The following LYST variants were observed in gnomAD, a reference collection of about 807,000 sequenced individuals.
The protein encoded by LYST is lysosomal-trafficking regulator.
Under a neutral mutation model 413.6 loss-of-function variants are expected in LYST, and 192 were observed. The ratio of observed to expected loss-of-function variants is 0.46; its 90% CI spans 0.41 to 0.52. LYST has a LOEUF of 0.52. Ranked by LOEUF, LYST falls within the 20% of genes least tolerant of loss-of-function variation. The pLI is 0.00. For synonymous variants in LYST, 1,525 were observed against 1,567.3 expected, an observed-to-expected ratio of 0.97 and a Z score of 0.64; for missense variants, 3,815 against 4,499.9, an observed-to-expected ratio of 0.85 and a Z score of 4.35.
At chr1:235,763,807 A>G (rs1262663548) in intron 21 of LYST, among the ~76,000 whole-genome samples, 1 of 152,078 alleles carries the variant, frequency 6.6e-6, no homozygotes, top group Non-Finnish European at 1.5e-5. Context: ...CCATAGTGCT[A>G]TAATGCAGGC....
intron 22 of LYST, 26 bp downstream of exon 22, chr1:235,762,694 C>G (rs1034815685): frequency 6.2e-7 from 1 of 1,606,138 alleles, no homozygotes; most frequent in Non-Finnish European, 8.5e-7. Context: ...ATGAGAAGGT[C>G]ATACTTCCAT....
intron 31 of LYST, among the ~76,000 whole-genome samples, chr1:235,740,468 G>A (rs1019479894): frequency 4.0e-5 from 6 of 151,510 alleles, no homozygotes; most frequent in African/African-American, 7.3e-5. Context: ...GAATTCTATC[G>A]TCATATCTTG....
At chr1:235,789,516 T>C (rs546257788) in intron 12 of LYST, among the ~76,000 whole-genome samples, 2 of 152,298 alleles carry the variant, frequency 1.3e-5, no homozygotes, top group East Asian at 3.9e-4. Context: ...CTTGTCATTA[T>C]AATACATGTG....
chr1:235,702,714 T>G (rs17615059), intron 45 of LYST, 33 bp downstream of exon 45: 1 of 1,562,578 alleles, frequency 6.4e-7, no homozygotes, highest in African/African-American at 1.4e-5. Context: ...TAATCAGGTT[T>G]TGCTGCACTC....
At chr1:235,870,670 T>G (rs1680885994), upstream of LYST, among the ~76,000 whole-genome samples, 1 of 152,234 alleles carries the variant, frequency 6.6e-6, no homozygotes, top group African/African-American at 2.4e-5. Context: ...ATTTGTCTAT[T>G]TCTTATGTTT....
chr1:235,853,323 T>C (rs1411606481), intron 1 of LYST, among the ~76,000 whole-genome samples: 1 of 152,204 alleles, frequency 6.6e-6, no homozygotes, highest in Non-Finnish European at 1.5e-5. Context: ...CTGAACTAGA[T>C]GTTCTATATT....
chr1:235,840,580 C>T (rs143032387), intron 1 of LYST, among the ~76,000 whole-genome samples: 56 of 151,998 alleles, frequency 3.7e-4, no homozygotes, highest in African/African-American at 1.2e-3. Context: ...ACCTAAACAT[C>T]GGTATTTTTA....
At position 235,723,880 on chromosome 1, in the gene LYST, A is replaced by G. The variant is rs1222032929; in HGVS notation, c.9315+148T>C. 7 of 688,590 alleles carry G rather than the reference A, an allele frequency of 1.0e-5. No individual in the cohort carries two copies. In the Admixed American group the frequency reaches 1.7e-4, roughly 17 times the overall value. 42.7% of individuals were successfully genotyped at this position (688,590 alleles called of 1,614,324 possible). ...ACTGTGGAGGTCAAAGACAATCCTCATATAACAAAGGCTTCACTTTAATCA... is the reference window on the plus strand; with the variant it reads ...ACTGTGGAGGTCAAAGACAATCCTCGTATAACAAAGGCTTCACTTTAATCA... On this transcript the variant is annotated intron_variant, in intron 39 of 52. Transcript: ENST00000389793.
At chr1:235,796,921 A>C (rs1270921561) in intron 10 of LYST, among the ~76,000 whole-genome samples, 4 of 152,232 alleles carry the variant, frequency 2.6e-5, no homozygotes, top group Admixed American at 1.3e-4. Flanking sequence ...TCAAAACCAC[A>C]ATGAGATACC....
intron 1 of LYST, among the ~76,000 whole-genome samples, chr1:235,863,367 G>C (rs1044298102): frequency 6.6e-5 from 10 of 151,892 alleles, no homozygotes; most frequent in Admixed American, 5.3e-4. Flanking sequence ...ACTCCAGCCT[G>C]GGTGACAGAG....
rs1365793954 is a variant in LYST at position 235,806,373 on chromosome 1, A to G, written c.2763T>C (p.Asn921=). ...CATAGCCAGAAGTATCTTCTGAGTC[A>G]TTGGCCGACTCCCTGTCAGACTCTG... ...KEAESDRESA[N]DSEDTSGYDS... The change falls in exon 6 of 53, where the codon AAT becomes AAC. Residue 921 remains asparagine, a synonymous_variant. Coordinates refer to ENST00000389793, the MANE Select transcript of LYST (RefSeq NM_000081.4). 6.2e-7 allele frequency: 1 copy of G among 1,614,058 alleles called. No homozygotes were observed. The highest frequency in any genetic ancestry group is 1.1e-5 in the South Asian group (1 of 91,080).
At chr1:235,743,657 G>C (rs12093678) in intron 30 of LYST, among the ~76,000 whole-genome samples, 6,249 of 152,106 alleles carry the variant, frequency 0.041, 424 homozygotes, top group African/African-American at 0.14. Context: ...CCTTTAAAAA[G>C]AAATAGTTCA....
chr1:235,777,307 T>C lies in LYST; in HGVS notation c.5216A>G (p.Glu1739Gly). The change falls in exon 17 of 53, where the codon GAA (glutamate) becomes GGA (glycine). Residue 1739 changes from glutamate (E) to glycine (G), a missense_variant and splice_region_variant. Physicochemically the swap from Glu to Gly is moderately conservative, Grantham distance 98. Coordinates refer to ENST00000389793, the MANE Select transcript of LYST (RefSeq NM_000081.4). ...KKDVDIGLLI[E>G]SLSVVYTTYC... The stretch of plus-strand genomic sequence containing the variant: ...AGTTGTATAAACAACTGAAAGACTT[T>C]CCTGAAATACAAATATTTTCATTCA... 1 of 1,611,858 alleles carries C rather than the reference T, an allele frequency of 6.2e-7. No individual in the cohort carries two copies. The highest frequency in any genetic ancestry group is 8.5e-7 in the Non-Finnish European group (1 of 1,178,354).
chr1:235,874,770 T>A (rs1681068273), intron 1 of LYST, among the ~76,000 whole-genome samples: 3 of 151,856 alleles, frequency 2.0e-5, no homozygotes. Flanking sequence ...CAATAAAGAG[T>A]TGGAAATTTG....
At chr1:235,830,069 T>C in intron 3 of LYST, 157 bp downstream of exon 3, 3 of 613,410 alleles carry the variant, frequency 4.9e-6, no homozygotes, top group Non-Finnish European at 8.6e-6. Context: ...AAATAAACAA[T>C]ATGGTTATAA....
intron 1 of LYST, among the ~76,000 whole-genome samples, chr1:235,837,844 G>A (rs1051246851): frequency 6.6e-6 from 1 of 151,930 alleles, no homozygotes; most frequent in Non-Finnish European, 1.5e-5. Flanking sequence ...ATGGCTTGAG[G>A]AGGACATGAG....
At chr1:235,754,422 G>A (rs1666808711) in intron 25 of LYST, among the ~76,000 whole-genome samples, 1 of 151,352 alleles carries the variant, frequency 6.6e-6, no homozygotes, top group East Asian at 2.0e-4. Context: ...AGTACAGACA[G>A]TTTCATCATG....
intron 19 of LYST, among the ~76,000 whole-genome samples, chr1:235,770,828 C>A (rs1225496653): frequency 6.6e-6 from 1 of 152,142 alleles, no homozygotes; most frequent in Non-Finnish European, 1.5e-5. Flanking sequence ...ACAAACTATG[C>A]ACTTCAAAGA....
chr1:235,696,077 AAACAGT>A (rs1278793375), intron 46 of LYST, among the ~76,000 whole-genome samples: 2 of 152,244 alleles, frequency 1.3e-5, no homozygotes, highest in Non-Finnish European at 2.9e-5. Context: ...AATTATGATT[AAACAGT>A]TCTACCCTAT....
Sources: allele counts gnomAD v4.1 joint callset (sites outside exome capture counted in the v4.1 genomes callset), GRCh38; gene constraint gnomAD v4.1.1; transcripts MANE v1.5; gene names NCBI Gene and HGNC (gene_info 2026-07-23, HGNC 2026-07-21).